Variants in LIFR observed in about 807,000 individuals in gnomAD.
LIFR encodes the protein LIF receptor subunit alpha, also known as leukemia inhibitory factor receptor.
In LIFR, 84 loss-of-function variants were observed where a neutral mutation model predicts 122.2. That is an observed-to-expected ratio of 0.69 (90% confidence interval 0.58 to 0.82). The LOEUF is 0.82. LIFR is among the 40% of genes least tolerant of loss of function. The pLI, the probability that LIFR is intolerant of heterozygous loss-of-function variation, is 0.00. For missense variants in LIFR, 1,294 were observed against 1,311.6 expected (o/e 0.99, Z 0.21); for synonymous variants, 422 against 434.7 (o/e 0.97, Z 0.36).
At chr5:38,532,775 C>A (rs1402117742) in intron 1 of LIFR, among the ~76,000 whole-genome samples, 3 of 152,194 alleles carry the variant, frequency 2.0e-5, no homozygotes. Context: ...AATACATGAA[C>A]AGAGCCTTCC....
chr5:38,555,442 T>A (rs144348450), intron 1 of LIFR, among the ~76,000 whole-genome samples: 81 of 152,326 alleles, frequency 5.3e-4, no homozygotes, highest in Middle Eastern at 3.4e-3. Context: ...ATCACATTAA[T>A]CTTACTTCAA....
chr5:38,509,884 A>G (rs1323968068), intron 7 of LIFR, among the ~76,000 whole-genome samples: 1 of 152,206 alleles, frequency 6.6e-6, no homozygotes, highest in Non-Finnish European at 1.5e-5. Context: ...GGAATTTTAG[A>G]CTGTGGGGTG....
intron 5 of LIFR, among the ~76,000 whole-genome samples, chr5:38,514,202 C>T (rs1745954100): frequency 2.0e-5 from 3 of 151,660 alleles, no homozygotes; most frequent in Admixed American, 2.0e-4. Context: ...TCATGAAGAA[C>T]AGAAGTTCTC....
intron 1 of LIFR, among the ~76,000 whole-genome samples, chr5:38,581,665 CAT>C (rs996217828): frequency 1.3e-5 from 2 of 152,186 alleles, no homozygotes; most frequent in Non-Finnish European, 2.9e-5. Flanking sequence ...GGTTTTCTCA[CAT>C]GTCAGAGGGA....
chr5:38,589,623 T>C (rs1216026968), intron 1 of LIFR, among the ~76,000 whole-genome samples: 1 of 152,080 alleles, frequency 6.6e-6, no homozygotes, highest in Admixed American at 6.5e-5. Flanking sequence ...TAAATAATAG[T>C]ATATGGAAAG....
rs145486861 is a variant in LIFR at position 38,588,689 on chromosome 5, A to G, written c.-20+6572T>C. 1.3e-3 allele frequency among the ~76,000 whole-genome samples: 196 copies of G among 152,330 alleles called. 4 individuals are homozygous for G. The East Asian group carries it at 0.031, about 24-fold the overall frequency. On this transcript the variant is annotated intron_variant, in intron 1 of 19. Coordinates refer to the LIFR transcript ENST00000263409. ...GAATGTCTTTTTCAAAAGGCCTTAA[A>G]TCCCTATGGATTAATCAAGCACATC...
At chr5:38,561,036 G>A (rs939177514), upstream of LIFR, among the ~76,000 whole-genome samples, 5 of 152,164 alleles carry the variant, frequency 3.3e-5, no homozygotes, top group African/African-American at 1.2e-4. Flanking sequence ...ATAAAACTGA[G>A]CCCAAGCTTC....
intron 16 of LIFR, 112 bp downstream of exon 16, chr5:38,488,966 G>T (rs1744429144): frequency 3.7e-6 from 3 of 814,038 alleles, no homozygotes; most frequent in East Asian, 2.5e-5. Context: ...CTATCTTTCA[G>T]ATAGTTTTGA....
chr5:38,542,810 A>G (rs932338833), intron 1 of LIFR, among the ~76,000 whole-genome samples: 3 of 152,230 alleles, frequency 2.0e-5, no homozygotes, highest in Admixed American at 1.3e-4. Flanking sequence ...CCTTTAACAA[A>G]TATCAACTCG....
At chr5:38,531,914 A>C (rs1222270990) in intron 1 of LIFR, among the ~76,000 whole-genome samples, 1 of 152,268 alleles carries the variant, frequency 6.6e-6, no homozygotes, top group Non-Finnish European at 1.5e-5. Context: ...ACACATTTCA[A>C]AAGTGTTCTA....
intron 9 of LIFR, among the ~76,000 whole-genome samples, chr5:38,505,397 G>C (rs992173387): frequency 8.6e-6 from 1 of 115,704 alleles, no homozygotes; most frequent in Non-Finnish European, 1.7e-5. Context: ...AAATTGCATA[G>C]AACTACACAC....
chr5:38,536,285 C>T (rs1394107625), intron 1 of LIFR, among the ~76,000 whole-genome samples: 2 of 151,880 alleles, frequency 1.3e-5, no homozygotes, highest in Non-Finnish European at 2.9e-5. Flanking sequence ...CAGATTCAAC[C>T]AACCTTGGAT....
chr5:38,490,326 T>A, intron 14 of LIFR, 35 bp from the exon 15 acceptor site: 2 of 892,990 alleles, frequency 2.2e-6, no homozygotes, highest in South Asian at 1.5e-5. Context: ...CTTTCATAAA[T>A]ATATTACTAT....
chr5:38,549,152 A>T (rs928032461), intron 1 of LIFR, among the ~76,000 whole-genome samples: 1 of 152,074 alleles, frequency 6.6e-6, no homozygotes, highest in Non-Finnish European at 1.5e-5. Context: ...AAGTAAAAAG[A>T]ATAACAGTCA....
chr5:38,546,229 T>C (rs1747886651), intron 1 of LIFR, among the ~76,000 whole-genome samples: 1 of 152,194 alleles, frequency 6.6e-6, no homozygotes. Context: ...AAAGAATTTT[T>C]AGCAACATGA....
intron 13 of LIFR, among the ~76,000 whole-genome samples, chr5:38,494,575 G>A (rs1430397026): frequency 6.6e-6 from 1 of 152,212 alleles, no homozygotes; most frequent in Non-Finnish European, 1.5e-5. Flanking sequence ...CCCAGGCTGG[G>A]GGTGAAGAAT....
intron 2 of LIFR, 64 bp downstream of exon 2, chr5:38,530,442 C>T: frequency 1.4e-6 from 2 of 1,451,004 alleles, no homozygotes; most frequent in Non-Finnish European, 9.7e-7. Flanking sequence ...AACAAAATTG[C>T]TTCGTCATCA....
chr5:38,514,656 C>A (rs1231309409), intron 5 of LIFR, among the ~76,000 whole-genome samples: 1 of 152,166 alleles, frequency 6.6e-6, no homozygotes, highest in Non-Finnish European at 1.5e-5. Context: ...TAGCAAATAA[C>A]TACTGACAGT....
At chr5:38,527,652 C>T (rs1746766449) in intron 3 of LIFR, among the ~76,000 whole-genome samples, 1 of 152,158 alleles carries the variant, frequency 6.6e-6, no homozygotes, top group Non-Finnish European at 1.5e-5. Context: ...GCTCCTCATG[C>T]TAGGATGATG....
Sources: allele counts gnomAD v4.1 joint callset (sites outside exome capture counted in the v4.1 genomes callset), GRCh38; gene constraint gnomAD v4.1.1; transcripts MANE v1.5; gene names NCBI Gene and HGNC (gene_info 2026-07-23, HGNC 2026-07-21).